Variants in DSE observed in about 807,000 individuals in gnomAD.
The protein encoded by DSE is dermatan-sulfate epimerase.
DSE carries 36 observed loss-of-function variants against 84.4 expected under a neutral mutation model. The observed-to-expected ratio is 0.43, with a 90% CI of 0.33 to 0.56. The LOEUF is 0.56. Ranked by LOEUF, DSE falls within the 20% of genes least tolerant of loss-of-function variation. The pLI is 0.06. For synonymous variants in DSE, 410 were observed against 430.1 expected (o/e 0.95, Z 0.58); for missense variants, 862 against 1,169.6 (o/e 0.74, Z 3.84).
intron 2 of DSE, among the ~76,000 whole-genome samples, chr6:116,340,503 A>T (rs1331415283): frequency 2.0e-5 from 3 of 151,652 alleles, no homozygotes; most frequent in South Asian, 4.1e-4. Context: ...TATTATTATT[A>T]TTCTACTTTA....
chr6:116,318,046 A>G (rs1776086417), intron 2 of DSE, among the ~76,000 whole-genome samples: 1 of 152,168 alleles, frequency 6.6e-6, no homozygotes, highest in African/African-American at 2.4e-5. Context: ...AATCAAAGCA[A>G]GTTTTATTCA....
intron 2 of DSE, among the ~76,000 whole-genome samples, chr6:116,350,901 T>A (rs1262280505): frequency 6.9e-6 from 1 of 145,718 alleles, no homozygotes; most frequent in Non-Finnish European, 1.5e-5. Context: ...TCCTGGCATA[T>A]CTTCCTTTTG....
chr6:116,372,454 T>TCAAAA (rs1162065523), intron 1 of DSE, among the ~76,000 whole-genome samples: 1 of 152,120 alleles, frequency 6.6e-6, no homozygotes, highest in African/African-American at 2.4e-5. Flanking sequence ...GGCGACAGGC[T>TCAAAA]CAAAACAAAA....
chr6:116,273,499 G>A (rs1302724016), intron 2 of DSE, among the ~76,000 whole-genome samples: 1 of 152,134 alleles, frequency 6.6e-6, no homozygotes, highest in African/African-American at 2.4e-5. Flanking sequence ...AATGCATAGA[G>A]AGCATACCTG....
intron 1 of DSE, among the ~76,000 whole-genome samples, chr6:116,382,779 A>T (rs944343908): frequency 8.5e-5 from 13 of 152,134 alleles, no homozygotes; most frequent in African/African-American, 3.1e-4. Context: ...CAAGAGAGAA[A>T]TTTTTCCCCG....
intron 2 of DSE, among the ~76,000 whole-genome samples, chr6:116,403,020 T>C (rs1373208753): frequency 6.6e-6 from 1 of 152,244 alleles, no homozygotes; most frequent in Non-Finnish European, 1.5e-5. Context: ...TCTGTCCATC[T>C]AATAGCCTAC....
In DSE at chr6:116,442,050, T is replaced by G. The variant is rs1331316022; in HGVS notation, c.*4705T>G. On this transcript the variant is annotated 3_prime_UTR_variant, in exon 6 of 6. Transcript: ENST00000644252. ...TGAATTGGTACTGTCCCATAAACAG[T>G]GGTTTCTGATGTGATTACTTATGAT... is the stretch of plus-strand genomic sequence containing the variant. The G allele has an allele frequency of 6.6e-6, 1 of 152,198 alleles. No homozygotes were observed. The highest frequency in any genetic ancestry group is 1.5e-5 in the Non-Finnish European group (1 of 68,056). The allele number at this position is 152,198 out of a possible 1,614,324, so 9.4% of individuals were successfully genotyped here.
rs1784461282 is a variant in DSE at position 116,442,528 on chromosome 6, T to C, written c.*5183T>C. The C allele has an allele frequency of 6.6e-6, 1 of 152,064 alleles. No homozygotes were observed. Among genetic ancestry groups the C allele is most frequent in the Non-Finnish European group, 1.5e-5 (1 of 68,020 alleles). 9.4% of individuals were successfully genotyped at this position (152,064 alleles called of 1,614,324 possible). A position where few individuals can be genotyped will look rare whatever the true frequency, so the allele number is the denominator to read the frequency against. On this transcript the variant is annotated 3_prime_UTR_variant, in exon 6 of 6. Transcript: ENST00000644252. ...TTTACTAGCTGTGTGAGAGGAGAAG[T>C]GCATTCTGGGTAAATGGAATAGAAT...
At chr6:116,346,514 A>G (rs1293101388) in intron 2 of DSE, among the ~76,000 whole-genome samples, 6 of 152,224 alleles carry the variant, frequency 3.9e-5, no homozygotes, top group Non-Finnish European at 7.3e-5. Context: ...ACCAAAGACA[A>G]AAACCACATG....
intron 2 of DSE, among the ~76,000 whole-genome samples, chr6:116,324,287 T>A (rs1471917076): frequency 6.6e-6 from 1 of 152,170 alleles, no homozygotes; most frequent in Non-Finnish European, 1.5e-5. Context: ...TTGGCCTAAC[T>A]CCAAGATATA....
In DSE at chr6:116,444,745, T is replaced by C. The variant is rs900605591; in HGVS notation, c.*7400T>C. On this transcript the variant is annotated 3_prime_UTR_variant, in exon 6 of 6. Transcript: ENST00000644252. ...AACATGTGAGGCTACAGTGAAAAGATGGCCATCTGTAAACCAGGAAGTGAG... is the reference window on the plus strand; with the variant it reads ...AACATGTGAGGCTACAGTGAAAAGACGGCCATCTGTAAACCAGGAAGTGAG... 3 of 152,202 alleles carry C rather than the reference T, an allele frequency of 2.0e-5. No homozygotes were observed. The highest frequency in any genetic ancestry group is 1.9e-4 in the East Asian group (1 of 5,194). 9.4% of individuals were successfully genotyped at this position (152,202 alleles called of 1,614,324 possible). A position where few individuals can be genotyped will look rare whatever the true frequency, so the allele number is the denominator to read the frequency against.
chr6:116,379,850 AG>A (rs1045605104), intron 1 of DSE, among the ~76,000 whole-genome samples: 2 of 152,176 alleles, frequency 1.3e-5, no homozygotes, highest in African/African-American at 2.4e-5. Context: ...TGCAAATTTC[AG>A]ATTGTTGGAC....
chr6:116,422,318 T>C (rs755282589), intron 2 of DSE, among the ~76,000 whole-genome samples: 2 of 152,254 alleles, frequency 1.3e-5, no homozygotes, highest in African/African-American at 4.8e-5. Flanking sequence ...AATTCTTATT[T>C]CCAGTTGAAA....
upstream of DSE, among the ~76,000 whole-genome samples, chr6:116,369,434 GA>G (rs1205663084): frequency 1.3e-5 from 2 of 152,152 alleles, no homozygotes; most frequent in Non-Finnish European, 1.5e-5. Context: ...GTGACCGTCT[GA>G]TATGGTGTAG....
intron 1 of DSE, among the ~76,000 whole-genome samples, chr6:116,396,235 A>AATG (rs1182377243): frequency 6.6e-5 from 10 of 152,292 alleles, no homozygotes; most frequent in Non-Finnish European, 1.3e-4. Flanking sequence ...GAAGGTTCTC[A>AATG]CCTTCTGTGA....
chr6:116,402,149 C>T (rs536130005), intron 2 of DSE, among the ~76,000 whole-genome samples: 16 of 152,090 alleles, frequency 1.1e-4, no homozygotes, highest in Non-Finnish European at 2.2e-4. Context: ...TAATTTTTAC[C>T]TATGGCAAAG....
At chr6:116,341,669 A>G (rs892118621) in intron 2 of DSE, among the ~76,000 whole-genome samples, 1 of 152,212 alleles carries the variant, frequency 6.6e-6, no homozygotes, top group African/African-American at 2.4e-5. Flanking sequence ...TAATTTTTGT[A>G]TAAGGTGTAA....
intron 1 of DSE, among the ~76,000 whole-genome samples, chr6:116,385,688 A>G (rs959131717): frequency 1.3e-5 from 2 of 152,136 alleles, no homozygotes; most frequent in Non-Finnish European, 2.9e-5. Context: ...ATTATGATTC[A>G]CAGGAGGACA....
At chr6:116,408,864 A>G (rs1163464966) in intron 2 of DSE, among the ~76,000 whole-genome samples, 1 of 152,236 alleles carries the variant, frequency 6.6e-6, no homozygotes, top group African/African-American at 2.4e-5. Flanking sequence ...GGTAACTACA[A>G]CAGAGTTTTG....
Sources: gnomAD v4.1 joint callset for allele counts (sites outside exome capture counted in the v4.1 genomes callset) on GRCh38, gnomAD v4.1.1 for gene constraint, MANE v1.5 for transcripts, NCBI Gene and HGNC (gene_info 2026-07-23, HGNC 2026-07-21) for gene names.